COBLL1: variants seen among roughly 807,000 people sequenced by gnomAD.
COBLL1 encodes cordon-bleu protein-like 1.
In COBLL1, 50 loss-of-function variants were observed where a neutral mutation model predicts 94.8. The observed-to-expected ratio is 0.53, with a 90% CI of 0.42 to 0.67. The LOEUF (loss-of-function observed/expected upper bound fraction) is 0.67, where lower values mean the gene tolerates loss of function less well. Ranked by LOEUF, COBLL1 falls within the 30% of genes least tolerant of loss-of-function variation. COBLL1 has a pLI of 0.00. For missense variants in COBLL1, 1,362 were observed against 1,348.7 expected (o/e 1.01, Z -0.15); for synonymous variants, 448 against 473.8 (o/e 0.95, Z 0.71).
At chr2:164,747,188 A>AT (rs71838175) in intron 2 of COBLL1, among the ~76,000 whole-genome samples, 45 of 151,038 alleles carry the variant, frequency 3.0e-4, no homozygotes, top group South Asian at 8.4e-4. Flanking sequence ...CTTGTCTGGG[A>AT]TTTTTTTTTT....
intron 9 of COBLL1, chr2:164,703,582 G>A (rs1048481879): frequency 7.1e-6 from 3 of 423,158 alleles, no homozygotes; most frequent in African/African-American, 2.1e-5. Flanking sequence ...ACAGAGGAGT[G>A]AAGAATTCTT....
At chr2:164,809,372 T>TA (rs1684347931) in intron 2 of COBLL1, among the ~76,000 whole-genome samples, 1 of 152,040 alleles carries the variant, frequency 6.6e-6, no homozygotes, top group Non-Finnish European at 1.5e-5. Flanking sequence ...AAAATGTCCC[T>TA]AGCCAGCAAA....
In COBLL1 at chr2:164,704,938, A is replaced by C. The variant is rs1178051415; in HGVS notation, c.1150+14T>G. On this transcript the variant is annotated intron_variant, in intron 8 of 13. Transcript: ENST00000652658. ...CACAATACAAATGTAATGTTAATGAAACAACCACATTACCAGTCACACGAC... is the reference window on the plus strand; with the variant it reads ...CACAATACAAATGTAATGTTAATGACACAACCACATTACCAGTCACACGAC... 6.4e-7 allele frequency: 1 copy of C among 1,552,488 alleles called. No individual in the cohort carries two copies. Among genetic ancestry groups the C allele is most frequent in the East Asian group, 2.3e-5 (1 of 43,690 alleles).
At chr2:164,724,815 T>C (rs1001383757) in intron 5 of COBLL1, 1 of 151,910 alleles carries the variant, frequency 6.6e-6, no homozygotes, top group African/African-American at 2.4e-5. Flanking sequence ...TAACACCAAA[T>C]AAATACAATA....
At chr2:164,772,331 A>G (rs1688249905) in intron 2 of COBLL1, among the ~76,000 whole-genome samples, 1 of 151,998 alleles carries the variant, frequency 6.6e-6, no homozygotes, top group African/African-American at 2.4e-5. Flanking sequence ...TTTATAGGAA[A>G]TTTACATTTG....
chr2:164,827,556 C>A (rs1574662256), intron 2 of COBLL1, among the ~76,000 whole-genome samples: 1 of 152,276 alleles, frequency 6.6e-6, no homozygotes, highest in Non-Finnish European at 1.5e-5. Flanking sequence ...GAAGAAAACA[C>A]CTTCCATTAT....
At chr2:164,662,104 T>C (rs1032696986) in intron 2 of COBLL1, among the ~76,000 whole-genome samples, 4 of 152,092 alleles carry the variant, frequency 2.6e-5, no homozygotes, top group African/African-American at 7.2e-5. Flanking sequence ...TTAAACAAGG[T>C]AAAGGAAAAA....
chr2:164,819,581 T>G (rs186827932), intron 2 of COBLL1, among the ~76,000 whole-genome samples: 78 of 152,290 alleles, frequency 5.1e-4, no homozygotes, highest in African/African-American at 1.7e-3. Context: ...AGCTCAGAGA[T>G]GTCAGGAAAT....
intron 2 of COBLL1, among the ~76,000 whole-genome samples, chr2:164,798,570 T>C (rs1424505962): frequency 6.6e-6 from 1 of 152,224 alleles, no homozygotes; most frequent in East Asian, 1.9e-4. Flanking sequence ...AGTTGTACTG[T>C]CATTTTCTTG....
chr2:164,830,695 TCA>T (rs1683034571), intron 2 of COBLL1, among the ~76,000 whole-genome samples: 2 of 152,196 alleles, frequency 1.3e-5, no homozygotes, highest in Non-Finnish European at 2.9e-5. Context: ...CTACATAGAA[TCA>T]CAGACATACA....
intron 2 of COBLL1, among the ~76,000 whole-genome samples, chr2:164,764,094 C>T (rs1687824490): frequency 6.6e-6 from 1 of 152,142 alleles, no homozygotes; most frequent in Non-Finnish European, 1.5e-5. Flanking sequence ...GACAGGGTCT[C>T]ACTATGTTTA....
At chr2:164,703,652 G>A in intron 9 of COBLL1, 1 of 401,722 alleles carries the variant, frequency 2.5e-6, no homozygotes, top group African/African-American at 2.2e-5. Context: ...AGATTCAAGA[G>A]TGTTCCTCCT....
chr2:164,833,448 C>CT (rs1246632969), intron 2 of COBLL1, among the ~76,000 whole-genome samples: 1 of 105,982 alleles, frequency 9.4e-6, no homozygotes, highest in Non-Finnish European at 1.7e-5. Context: ...CCTGCCTTTA[C>CT]ATTTTTTTTT....
At chr2:164,756,978 T>C (rs1687443536) in intron 2 of COBLL1, among the ~76,000 whole-genome samples, 1 of 152,166 alleles carries the variant, frequency 6.6e-6, no homozygotes, top group East Asian at 1.9e-4. Flanking sequence ...GTAAGGTATA[T>C]TCATTGTCTA....
At chr2:164,668,537 A>C (rs978958929) in intron 1 of COBLL1, among the ~76,000 whole-genome samples, 2 of 152,212 alleles carry the variant, frequency 1.3e-5, no homozygotes, top group African/African-American at 4.8e-5. Context: ...AGTGTGACAC[A>C]AGGACATGAA....
At chr2:164,800,540 C>G in intron 2 of COBLL1, 1 of 701,986 alleles carries the variant, frequency 1.4e-6, no homozygotes, top group Non-Finnish European at 2.6e-6. Flanking sequence ...TTACCATGAC[C>G]CAGCAATCTC....
intron 2 of COBLL1, among the ~76,000 whole-genome samples, chr2:164,834,600 A>G (rs1443093852): frequency 6.6e-6 from 1 of 152,258 alleles, no homozygotes; most frequent in African/African-American, 2.4e-5. Context: ...GATCTTATAA[A>G]TTAGGCCAGT....
chr2:164,818,246 ATGTGCATATACACATATACACGTATG>A (rs1424298357), intron 2 of COBLL1, among the ~76,000 whole-genome samples: 6 of 150,360 alleles, frequency 4.0e-5, no homozygotes, highest in African/African-American at 1.5e-4. Context: ...GTATGTATAC[ATGTGCATATACACATATACACGTATG>A]TATGTATACA....
intron 2 of COBLL1, chr2:164,800,532 A>G (rs1451537661): frequency 2.8e-6 from 2 of 702,280 alleles, no homozygotes; most frequent in African/African-American, 3.5e-5. Flanking sequence ...ATATACACTT[A>G]CCATGACCCA....
Sources: allele counts gnomAD v4.1 joint callset (sites outside exome capture counted in the v4.1 genomes callset), GRCh38; gene constraint gnomAD v4.1.1; transcripts MANE v1.5; gene names NCBI Gene and HGNC (gene_info 2026-07-23, HGNC 2026-07-21).